The following SORBS2 variants were observed in gnomAD, a reference collection of about 807,000 sequenced individuals.
The protein encoded by SORBS2 is sorbin and SH3 domain-containing protein 2.
Under a neutral mutation model 97.7 loss-of-function variants are expected in SORBS2, and 46 were observed. The ratio of observed to expected loss-of-function variants is 0.47; its 90% CI spans 0.37 to 0.60. The LOEUF is 0.60. Ranked by LOEUF, SORBS2 falls within the 20% of genes least tolerant of loss-of-function variation. The pLI, the probability that SORBS2 is intolerant of heterozygous loss-of-function variation, is 0.00. For missense variants in SORBS2, 1,316 were observed against 1,282.3 expected (o/e 1.03, Z -0.40); for synonymous variants, 476 against 473.4 (o/e 1.01, Z -0.07).
intron 4 of SORBS2, chr4:185,645,836 C>A (rs569781234): frequency 2.3e-4 from 35 of 152,246 alleles, no homozygotes; most frequent in African/African-American, 7.7e-4. Flanking sequence ...CCTGAGGACA[C>A]TGATTTCTGA....
At chr4:185,877,850 A>G in intron 1 of SORBS2, among the ~76,000 whole-genome samples, 1 of 139,556 alleles carries the variant, frequency 7.2e-6, no homozygotes, top group Non-Finnish European at 1.5e-5. Flanking sequence ...AGCCTGGGTG[A>G]CAGAGTGAGA....
intron 2 of SORBS2, among the ~76,000 whole-genome samples, chr4:185,754,759 A>G (rs1043517028): frequency 6.6e-6 from 1 of 152,152 alleles, no homozygotes; most frequent in Non-Finnish European, 1.5e-5. Context: ...CTATTACTCC[A>G]CCATACCATG....
intron 1 of SORBS2, among the ~76,000 whole-genome samples, chr4:185,804,429 A>G (rs1208207443): frequency 6.6e-6 from 1 of 152,234 alleles, no homozygotes; most frequent in Admixed American, 6.5e-5. Flanking sequence ...ACACGTCAAA[A>G]CACTTCATTA....
intron 1 of SORBS2, among the ~76,000 whole-genome samples, chr4:185,817,330 C>A (rs141570556): frequency 3.3e-5 from 5 of 152,220 alleles, no homozygotes; most frequent in African/African-American, 1.2e-4. Flanking sequence ...TTTTATTAAA[C>A]CTGCAGTGGG....
intron 2 of SORBS2, among the ~76,000 whole-genome samples, chr4:185,715,438 AAAAT>A (rs2098457945): frequency 6.6e-6 from 1 of 152,106 alleles, no homozygotes; most frequent in African/African-American, 2.4e-5. Flanking sequence ...AATAAAAAAT[AAAAT>A]AAATATTTAG....
intron 1 of SORBS2, among the ~76,000 whole-genome samples, chr4:185,793,989 T>C (rs530347464): frequency 1.3e-5 from 2 of 152,276 alleles, no homozygotes; most frequent in South Asian, 2.1e-4. Flanking sequence ...TGGAAGGACA[T>C]TGGTGCAGAA....
intron 2 of SORBS2, among the ~76,000 whole-genome samples, chr4:185,695,405 T>C (rs552359022): frequency 6.6e-6 from 1 of 152,158 alleles, no homozygotes; most frequent in Non-Finnish European, 1.5e-5. Flanking sequence ...AGCCAATACA[T>C]TGCTACTGTT....
Position 185,684,710 on chromosome 4 carries a change from G to T in SORBS2, c.-197-5888C>A, listed in dbSNP as rs1402684124. On this transcript the variant is annotated intron_variant, in intron 2 of 20. Coordinates refer to the SORBS2 transcript ENST00000284776. This position sits in a 1 kb window ranked among gnomAD's most constrained non-coding sequence, Gnocchi z 4.2. ...AGAACAAAAACAGTCAGAAGAGCTA[G>T]AAGCCATTCAAGTGCGACATTGTGT... The T allele has an allele frequency of 7.6e-7, 1 of 1,324,448 alleles. No individual in the cohort carries two copies. The highest frequency in any genetic ancestry group is 2.5e-5 in the East Asian group (1 of 39,776). 82.0% of individuals were successfully genotyped at this position (1,324,448 alleles called of 1,614,324 possible). A position where few individuals can be genotyped will look rare whatever the true frequency, so the allele number is the denominator to read the frequency against.
rs70962587 is a variant in SORBS2 at position 185,709,304 on chromosome 4, C to CTTTTTTTTTTTTTTT, written c.-197-30497_-197-30483dup. ...GCATGAGCCGCTGTGCTGGCCAAAT[C>CTTTTTTTTTTTTTTT]TTTTTTTTTTTTTTTTTTTTAGTAA... On this transcript the variant is annotated intron_variant, in intron 2 of 20. Transcript: ENST00000284776. Among the ~76,000 whole-genome samples, 17 of 96,776 alleles carry CTTTTTTTTTTTTTTT rather than the reference C, an allele frequency of 1.8e-4. 2 individuals carry two copies. The highest frequency in any genetic ancestry group is 7.0e-4 in the South Asian group (2 of 2,846). The allele number at this position is 96,776 out of a possible 152,430, so 63.5% of individuals were successfully genotyped here.
At chr4:185,876,826 G>A (rs56302938) in intron 1 of SORBS2, among the ~76,000 whole-genome samples, 19,693 of 152,212 alleles carry the variant, frequency 0.13, 1,540 homozygotes, top group Non-Finnish European at 0.18. Context: ...GCTAAGCCAC[G>A]TAGGATGCTG....
At chr4:185,731,850 CTCTCTCTCTCTCTCTCTATATATA>C (rs1183471172) in intron 2 of SORBS2, among the ~76,000 whole-genome samples, 8 of 31,818 alleles carry the variant, frequency 2.5e-4, no homozygotes, top group African/African-American at 1.1e-3. Flanking sequence ...CTCTCTCTCT[CTCTCTCTCTCTCTCTCTATATATA>C]TATATATATA....
chr4:185,691,649 A>G (rs1255207474), intron 2 of SORBS2, among the ~76,000 whole-genome samples: 1 of 152,226 alleles, frequency 6.6e-6, no homozygotes, highest in Non-Finnish European at 1.5e-5. Flanking sequence ...CCATCTCTGC[A>G]TTAGTATTGA....
rs558908587 is a variant in SORBS2, at chr4:185,931,464, C to T, written c.-338+24732G>A. Among the ~76,000 whole-genome samples, 23 of 152,086 alleles carry T rather than the reference C, an allele frequency of 1.5e-4. 1 individual carries two copies. The highest frequency in any genetic ancestry group is 1.2e-3 in the South Asian group (6 of 4,820). ...GCTCAACTCCAACTACAAGGACGAGCGGAGACTGATGGCCAAGAAGCAGGC... is the reference window on the plus strand; with the variant it reads ...GCTCAACTCCAACTACAAGGACGAGTGGAGACTGATGGCCAAGAAGCAGGC... On this transcript the variant is annotated intron_variant, in intron 1 of 20. Transcript: ENST00000284776.
chr4:185,936,859 G>A (rs1398920469), intron 1 of SORBS2, among the ~76,000 whole-genome samples: 2 of 152,144 alleles, frequency 1.3e-5, no homozygotes, highest in African/African-American at 2.4e-5. Flanking sequence ...CAGCATGCAC[G>A]GCACGGCACA....
intron 4 of SORBS2, chr4:185,677,764 C>CAAA (rs1439050398): frequency 1.9e-6 from 1 of 533,078 alleles, no homozygotes; most frequent in Non-Finnish European, 3.1e-6. Flanking sequence ...GCCACACCTT[C>CAAA]TGATTATGCT....
rs559466834 is a variant in SORBS2, at chr4:185,627,498, G to A, written c.447-479C>T. Among the ~76,000 whole-genome samples, 15 of 152,304 alleles carry A rather than the reference G, an allele frequency of 9.8e-5. No homozygotes were observed. In the South Asian group the frequency reaches 2.1e-3, roughly 21 times the overall value. On this transcript the variant is annotated intron_variant, in intron 5 of 14. Transcript: ENST00000418609. Reference sequence around the variant, plus strand: ...CTCCTGAAGTGTTGGGATTACAGGCGTGAACCACTGTGCCCGGACAACTAA... The same window carrying A: ...CTCCTGAAGTGTTGGGATTACAGGCATGAACCACTGTGCCCGGACAACTAA...
At chr4:185,917,615 A>G (rs1231531064) in intron 1 of SORBS2, among the ~76,000 whole-genome samples, 4 of 152,206 alleles carry the variant, frequency 2.6e-5, no homozygotes, top group Non-Finnish European at 5.9e-5. Context: ...GAAGGGGGAC[A>G]TGGGAACCCC....
chr4:185,598,730 AC>A (rs1019866801), intron 12 of SORBS2, among the ~76,000 whole-genome samples: 88 of 152,112 alleles, frequency 5.8e-4, no homozygotes, highest in African/African-American at 2.0e-3. Flanking sequence ...TAATAATACC[AC>A]GTTTATGTTT....
At chr4:185,875,978 T>C (rs938484729) in intron 1 of SORBS2, among the ~76,000 whole-genome samples, 10 of 152,274 alleles carry the variant, frequency 6.6e-5, no homozygotes, top group Non-Finnish European at 1.3e-4. Flanking sequence ...ATAGTCATTG[T>C]ATTCCTTTCA....
Sources: gnomAD v4.1 joint callset for allele counts (sites outside exome capture counted in the v4.1 genomes callset) on GRCh38, gnomAD v4.1.1 for gene constraint, Gnocchi (gnomAD v3.1) non-coding constraint, MANE v1.5 for transcripts, NCBI Gene and HGNC (gene_info 2026-07-23, HGNC 2026-07-21) for gene names.